KIF26B: variants seen among roughly 807,000 people sequenced by gnomAD.
KIF26B encodes kinesin-like protein KIF26B.
Under a neutral mutation model 151.2 loss-of-function variants are expected in KIF26B, and 63 were observed. That is an observed-to-expected ratio of 0.42 (90% CI 0.34 to 0.51). KIF26B has a LOEUF of 0.51. Ranked by LOEUF, KIF26B falls within the 20% of genes least tolerant of loss-of-function variation. The probability of loss-of-function intolerance (pLI) is 0.07; values close to 1 mark genes in which losing one functional copy is unlikely to be tolerated. For missense variants in KIF26B, 2,813 were observed against 2,913.6 expected, an observed-to-expected ratio of 0.97 and a Z score of 0.79; for synonymous variants, 1,357 against 1,262.1, an observed-to-expected ratio of 1.08 and a Z score of -1.59.
intron 2 of KIF26B, among the ~76,000 whole-genome samples, chr1:245,208,676 C>G (rs1465196175): frequency 6.6e-6 from 1 of 152,188 alleles, no homozygotes; most frequent in Admixed American, 6.5e-5. Context: ...CCCAACATCT[C>G]CAGGTGGAGC....
intron 2 of KIF26B, among the ~76,000 whole-genome samples, chr1:245,211,303 A>G (rs1669521896): frequency 1.3e-5 from 2 of 152,172 alleles, no homozygotes; most frequent in African/African-American, 4.8e-5. Context: ...CTCGAGATGC[A>G]AAAGACTCAC....
intron 2 of KIF26B, among the ~76,000 whole-genome samples, chr1:245,311,425 G>A (rs1318130919): frequency 1.3e-5 from 2 of 151,970 alleles, no homozygotes; most frequent in Admixed American, 6.6e-5. Context: ...AGACTCGCCT[G>A]CTCTTTTTTG....
intron 3 of KIF26B, among the ~76,000 whole-genome samples, chr1:245,381,868 C>T (rs138366869): frequency 6.6e-6 from 1 of 152,276 alleles, no homozygotes; most frequent in Non-Finnish European, 1.5e-5. Flanking sequence ...GGCATAATGT[C>T]CTCAAGTTTC....
At chr1:245,421,191 A>G (rs1658477863) in intron 4 of KIF26B, among the ~76,000 whole-genome samples, 1 of 152,186 alleles carries the variant, frequency 6.6e-6, no homozygotes, top group African/African-American at 2.4e-5. Flanking sequence ...GAATAAAGAC[A>G]GGGAACAGTT....
At chr1:245,403,030 G>T (rs1173995) in intron 3 of KIF26B, among the ~76,000 whole-genome samples, 80,158 of 152,010 alleles carry the variant, frequency 0.53, 22,196 homozygotes, top group South Asian at 0.68. Context: ...GTGCAGAGGT[G>T]CAATCGTAGC....
At chr1:245,398,108 G>A (rs1176260524) in intron 3 of KIF26B, among the ~76,000 whole-genome samples, 1 of 152,208 alleles carries the variant, frequency 6.6e-6, no homozygotes, top group African/African-American at 2.4e-5. Context: ...CCTCGGGAGA[G>A]AAGGTGGATT....
chr1:245,582,832 A>G (rs978967782), intron 5 of KIF26B, among the ~76,000 whole-genome samples: 6 of 152,194 alleles, frequency 3.9e-5, no homozygotes, highest in Admixed American at 3.9e-4. Flanking sequence ...CAGGATTGCC[A>G]CAGAGCAAGG....
At chr1:245,420,488 G>T (rs777351970) in intron 4 of KIF26B, among the ~76,000 whole-genome samples, 8 of 152,108 alleles carry the variant, frequency 5.3e-5, no homozygotes, top group Non-Finnish European at 5.9e-5. Context: ...AATAGAAACC[G>T]GATTGCTCTA....
intron 2 of KIF26B, among the ~76,000 whole-genome samples, chr1:245,172,123 G>A (rs1668721409): frequency 1.3e-5 from 2 of 151,948 alleles, no homozygotes; most frequent in South Asian, 4.1e-4. Context: ...CATTTCTTTG[G>A]CCTTCACCGT....
chr1:245,708,193 A>C lies in KIF26B; in HGVS notation c.*5587A>C, dbSNP rs2044865321. 6.6e-6 allele frequency: 1 copy of C among 152,218 alleles called. No individual in the cohort carries two copies. Among genetic ancestry groups the C allele is most frequent in the Non-Finnish European group, 1.5e-5 (1 of 68,052 alleles). The allele number at this position is 152,218 out of a possible 1,614,324, so 9.4% of individuals were successfully genotyped here. A position where few individuals can be genotyped will look rare whatever the true frequency, so the allele number is the denominator to read the frequency against. ...TGCTGGGCCTCAGGTTCCCGAGTGG[A>C]AGACTGGGGGTCAGAACAGCTGCCC... On this transcript the variant is annotated 3_prime_UTR_variant, in exon 15 of 15. Coordinates refer to ENST00000407071, the MANE Select transcript of KIF26B (RefSeq NM_018012.4).
intron 3 of KIF26B, among the ~76,000 whole-genome samples, chr1:245,414,196 CT>C (rs1309839079): frequency 6.6e-6 from 1 of 152,226 alleles, no homozygotes; most frequent in African/African-American, 2.4e-5. Context: ...CCAGAGTCAT[CT>C]TTGTTATAGG....
chr1:245,265,293 G>A (rs1272698444), intron 2 of KIF26B, among the ~76,000 whole-genome samples: 2 of 151,632 alleles, frequency 1.3e-5, no homozygotes, highest in Non-Finnish European at 2.9e-5. Flanking sequence ...AACACTGGGA[G>A]AAACAAATAG....
intron 2 of KIF26B, among the ~76,000 whole-genome samples, chr1:245,219,888 C>T (rs536436886): frequency 5.1e-4 from 78 of 152,324 alleles, no homozygotes; most frequent in Non-Finnish European, 7.2e-4. Context: ...CCCACCCAGG[C>T]CACTGGGACA....
chr1:245,585,932 G>T (rs1484421972), intron 5 of KIF26B, among the ~76,000 whole-genome samples: 2 of 150,658 alleles, frequency 1.3e-5, no homozygotes, highest in African/African-American at 5.0e-5. Context: ...AAAATGCTGT[G>T]CTGTGGAAGT....
At chr1:245,670,245 C>CATATAT (rs10584392) in intron 10 of KIF26B, among the ~76,000 whole-genome samples, 3,321 of 134,318 alleles carry the variant, frequency 0.025, 45 homozygotes, top group Non-Finnish European at 0.035. Context: ...TGTGTATATC[C>CATATAT]ATATATATAT....
At chr1:245,256,897 C>T (rs977231022) in intron 2 of KIF26B, among the ~76,000 whole-genome samples, 1 of 152,242 alleles carries the variant, frequency 6.6e-6, no homozygotes, top group Non-Finnish European at 1.5e-5. Flanking sequence ...AAAGCTGTCT[C>T]TTGTGGGGAA....
intron 2 of KIF26B, among the ~76,000 whole-genome samples, chr1:245,267,375 C>G (rs1443204028): frequency 6.6e-6 from 1 of 152,076 alleles, no homozygotes; most frequent in Non-Finnish European, 1.5e-5. Context: ...GTTACAAGCC[C>G]AGCATTGCGA....
chr1:245,351,975 C>CT (rs1054747005), intron 2 of KIF26B, among the ~76,000 whole-genome samples: 24 of 152,256 alleles, frequency 1.6e-4, no homozygotes, highest in Non-Finnish European at 2.6e-4. Context: ...AATAGATTAA[C>CT]TAGGCAAAAA....
rs532984339 is a variant in KIF26B, at chr1:245,572,333, T to C, written c.1351-30244T>C. Among the ~76,000 whole-genome samples the C allele has an allele frequency of 1.6e-3, 238 of 152,258 alleles. 1 individual carries two copies. The highest frequency in any genetic ancestry group is 2.6e-3 in the Non-Finnish European group (178 of 68,018). On this transcript the variant is annotated intron_variant, in intron 5 of 14. Transcript: ENST00000407071. The surrounding 1 kb of genome is among the most constrained non-coding windows in gnomAD (Gnocchi z 4.2). ...TTTTGTGTTTCCGACACTGAGGACA[T>C]TGAGGTTCTGGGGGATTCATCACTT...
Sources: allele counts gnomAD v4.1 joint callset (sites outside exome capture counted in the v4.1 genomes callset), GRCh38; gene constraint gnomAD v4.1.1; non-coding constraint Gnocchi (gnomAD v3.1); transcripts MANE v1.5; gene names NCBI Gene and HGNC (gene_info 2026-07-23, HGNC 2026-07-21).